Variants in KAZN observed in about 807,000 individuals in gnomAD.
KAZN encodes kazrin.
Under a neutral mutation model 87.4 loss-of-function variants are expected in KAZN, and 40 were observed. The observed-to-expected ratio is 0.46, with a 90% CI of 0.36 to 0.60. KAZN has a LOEUF of 0.60. KAZN is among the 20% of genes least tolerant of loss of function. The pLI, the probability that KAZN is intolerant of heterozygous loss-of-function variation, is 0.00. For synonymous variants in KAZN, 466 were observed against 458.3 expected (o/e 1.02, Z -0.22); for missense variants, 898 against 1,073.9 (o/e 0.84, Z 2.29).
chr1:13,971,979 C>T (rs1206455473), intron 1 of KAZN, among the ~76,000 whole-genome samples: 1 of 152,180 alleles, frequency 6.6e-6, no homozygotes, highest in Non-Finnish European at 1.5e-5. Context: ...GTACAGCCTG[C>T]AGAACCATGA....
At chr1:14,694,530 G>A (rs1385020227) in intron 1 of KAZN, among the ~76,000 whole-genome samples, 1 of 152,098 alleles carries the variant, frequency 6.6e-6, no homozygotes, top group Non-Finnish European at 1.5e-5. Context: ...AATATGCAAG[G>A]TGCCACAGAC....
chr1:14,629,209 T>C (rs1679375794), intron 1 of KAZN, among the ~76,000 whole-genome samples: 2 of 152,178 alleles, frequency 1.3e-5, no homozygotes, highest in South Asian at 4.1e-4. Flanking sequence ...GAGTGTCTTA[T>C]GGATAACGAG....
At chr1:14,180,334 C>A in intron 1 of KAZN, 1 of 1,022,304 alleles carries the variant, frequency 9.8e-7, no homozygotes, top group Non-Finnish European at 1.4e-6. Context: ...TGGCTTAGAC[C>A]TTGTATGTAC....
intron 1 of KAZN, among the ~76,000 whole-genome samples, chr1:14,763,877 G>C (rs968632171): frequency 1.3e-5 from 2 of 152,172 alleles, no homozygotes; most frequent in African/African-American, 2.4e-5. Flanking sequence ...AGCCTCCCAA[G>C]TAGCTGGGGT....
chr1:15,052,740 T>A (rs1245518187), intron 4 of KAZN, among the ~76,000 whole-genome samples: 2 of 152,110 alleles, frequency 1.3e-5, no homozygotes, highest in African/African-American at 4.8e-5. Context: ...CAATCCTGAG[T>A]GGGCAGAGTG....
In KAZN at chr1:14,460,927, G is replaced by A. The variant is rs902804828; in HGVS notation, c.250-138056G>A. ...AGAACTGAGTCTCAGAAATGTGAAAGAACTTTCCTGAGCCCATGCAGCATG... is the reference window on the plus strand; with the variant it reads ...AGAACTGAGTCTCAGAAATGTGAAAAAACTTTCCTGAGCCCATGCAGCATG... On this transcript the variant is annotated intron_variant, in intron 2 of 16. Transcript: ENST00000636203. 2.6e-5 allele frequency among the ~76,000 whole-genome samples: 4 copies of A among 152,186 alleles called. No homozygotes were observed. The East Asian group carries it at 7.7e-4, about 29-fold the overall frequency.
At chr1:14,048,953 G>A (rs906758371) in intron 1 of KAZN, among the ~76,000 whole-genome samples, 11 of 152,090 alleles carry the variant, frequency 7.2e-5, no homozygotes, top group Admixed American at 5.2e-4. Context: ...ACTTTTTAAT[G>A]ATCGCCATTC....
chr1:15,107,043 G>T (rs1641318449), intron 13 of KAZN, among the ~76,000 whole-genome samples: 1 of 152,162 alleles, frequency 6.6e-6, no homozygotes, highest in African/African-American at 2.4e-5. Context: ...ACACACAAAG[G>T]AGCAGGACTG....
intron 1 of KAZN, among the ~76,000 whole-genome samples, chr1:14,118,338 A>G (rs767272809): frequency 6.6e-6 from 1 of 152,244 alleles, no homozygotes; most frequent in Non-Finnish European, 1.5e-5. Flanking sequence ...AAACCCTACC[A>G]TCAAGCAGGA....
At chr1:14,453,207 G>A (rs905328512) in intron 2 of KAZN, among the ~76,000 whole-genome samples, 2 of 151,984 alleles carry the variant, frequency 1.3e-5, no homozygotes, top group East Asian at 2.0e-4. Flanking sequence ...CGCCCGCCTC[G>A]GCCTCCCAAA....
chr1:14,711,783 C>CGGCAGCCACAGCTGACACCT (rs1553214707), intron 1 of KAZN, among the ~76,000 whole-genome samples: 1 of 152,154 alleles, frequency 6.6e-6, no homozygotes, highest in Non-Finnish European at 1.5e-5. Flanking sequence ...CGTGCTGTGA[C>CGGCAGCCACAGCTGACACCT]GGCAGCCACA....
chr1:14,906,064 A>G (rs1455198231), intron 1 of KAZN, among the ~76,000 whole-genome samples: 4 of 150,770 alleles, frequency 2.7e-5, no homozygotes, highest in African/African-American at 4.9e-5. Flanking sequence ...CTACTCGGGA[A>G]GCTGAGGCAG....
intron 1 of KAZN, among the ~76,000 whole-genome samples, chr1:14,127,463 A>G (rs990390371): frequency 1.3e-5 from 2 of 149,818 alleles, no homozygotes; most frequent in Admixed American, 1.3e-4. Flanking sequence ...TTCACCTAAC[A>G]CTGGAGCCGT....
intron 1 of KAZN, among the ~76,000 whole-genome samples, chr1:14,059,229 T>C (rs1391312014): frequency 1.3e-5 from 2 of 152,154 alleles, no homozygotes; most frequent in African/African-American, 4.8e-5. Flanking sequence ...GTAGGTCACC[T>C]GTAAGCTGGG....
intron 1 of KAZN, among the ~76,000 whole-genome samples, chr1:14,055,064 G>A (rs1642493313): frequency 6.6e-6 from 1 of 152,140 alleles, no homozygotes. Flanking sequence ...CCTTCCAGTT[G>A]TGATAACCAA....
At chr1:14,050,300 T>G (rs1642274399) in intron 1 of KAZN, among the ~76,000 whole-genome samples, 1 of 152,218 alleles carries the variant, frequency 6.6e-6, no homozygotes, top group Non-Finnish European at 1.5e-5. Context: ...CACTGGATAC[T>G]TCTCTAAAGG....
At chr1:14,667,242 C>T (rs1405909393) in intron 1 of KAZN, among the ~76,000 whole-genome samples, 2 of 152,150 alleles carry the variant, frequency 1.3e-5, no homozygotes, top group Non-Finnish European at 1.5e-5. Context: ...CATACGGAGC[C>T]CTGGCTGTCC....
At chr1:14,171,002 G>A (rs775927364) in intron 1 of KAZN, among the ~76,000 whole-genome samples, 6 of 152,286 alleles carry the variant, frequency 3.9e-5, no homozygotes, top group East Asian at 1.9e-4. Context: ...GTGAGCCACC[G>A]CTCCTGGCCC....
intron 2 of KAZN, among the ~76,000 whole-genome samples, chr1:14,561,608 T>G (rs1435798414): frequency 6.6e-6 from 1 of 152,046 alleles, no homozygotes; most frequent in Non-Finnish European, 1.5e-5. Flanking sequence ...AGTCCTCCCA[T>G]GTCGAAAGTT....
Sources: gnomAD v4.1 joint callset for allele counts (sites outside exome capture counted in the v4.1 genomes callset) on GRCh38, gnomAD v4.1.1 for gene constraint, MANE v1.5 for transcripts, NCBI Gene and HGNC (gene_info 2026-07-23, HGNC 2026-07-21) for gene names.